The following CNTN4 variants were observed in gnomAD, a reference collection of about 807,000 sequenced individuals.
CNTN4 encodes contactin 4, also known as contactin-4.
A neutral mutation model predicts 122.5 loss-of-function variants in CNTN4; 77 were observed. That is an observed-to-expected ratio of 0.63 (90% CI 0.52 to 0.76). The LOEUF (loss-of-function observed/expected upper bound fraction) is 0.76, where lower values mean the gene tolerates loss of function less well. Ranked by LOEUF, CNTN4 falls within the 30% of genes least tolerant of loss-of-function variation. The pLI is 0.00. For synonymous variants in CNTN4, 512 were observed against 447.0 expected (o/e 1.15, Z -1.83); for missense variants, 1,256 against 1,259.1 (o/e 1.00, Z 0.04).
intron 3 of CNTN4, among the ~76,000 whole-genome samples, chr3:2,400,002 T>C (rs1313919261): frequency 6.6e-6 from 1 of 152,058 alleles, no homozygotes; most frequent in Non-Finnish European, 1.5e-5. Context: ...GTGTGCATCA[T>C]GTAATATAAT....
intron 12 of CNTN4, among the ~76,000 whole-genome samples, chr3:2,919,189 CAA>C (rs72363068): frequency 7.2e-6 from 1 of 137,954 alleles, no homozygotes; most frequent in Non-Finnish European, 1.6e-5. Context: ...ACTAAAAATA[CAA>C]AAAAAAAAAA....
chr3:2,169,469 C>T (rs113958796), intron 2 of CNTN4, among the ~76,000 whole-genome samples: 266 of 152,070 alleles, frequency 1.7e-3, no homozygotes, highest in South Asian at 4.8e-3. Context: ...TGCGGTGGCG[C>T]GATCTCGGCT....
At chr3:2,693,177 A>G (rs1331846326) in intron 4 of CNTN4, among the ~76,000 whole-genome samples, 1 of 152,212 alleles carries the variant, frequency 6.6e-6, no homozygotes, top group Admixed American at 6.6e-5. Context: ...TATTTGGTTT[A>G]CAGCTTTTTG....
rs577403688 is a variant in CNTN4 at position 2,488,406 on chromosome 3, G to A, written c.-88-83010G>A. ...CCTCCCACATCCCAAATATGTGTAT[G>A]TTTGGTAAATTGGTGTGTCTACATT... On this transcript the variant is annotated intron_variant, in intron 3 of 24. Coordinates refer to ENST00000418658, the MANE Select transcript of CNTN4 (RefSeq NM_175607.3). 2.3e-3 allele frequency among the ~76,000 whole-genome samples: 343 copies of A among 152,248 alleles called. 3 individuals are homozygous for A. The highest frequency in any genetic ancestry group is 3.1e-3 in the Non-Finnish European group (208 of 68,008).
At chr3:2,969,586 T>C (rs1348732357) in intron 13 of CNTN4, among the ~76,000 whole-genome samples, 1 of 152,076 alleles carries the variant, frequency 6.6e-6, no homozygotes, top group Non-Finnish European at 1.5e-5. Context: ...ACAGTAGATG[T>C]CCAATCCACA....
intron 3 of CNTN4, among the ~76,000 whole-genome samples, chr3:2,538,081 G>T (rs1363565742): frequency 6.6e-6 from 1 of 152,022 alleles, no homozygotes; most frequent in African/African-American, 2.4e-5. Flanking sequence ...AAGTATGGTG[G>T]ATCCCTAATG....
In CNTN4 at chr3:2,899,109, G is replaced by A. The variant is rs114798672; in HGVS notation, c.941-1576G>A. ...GGATTTGTAAAACTGTGTTTTGCTC[G>A]TTGAAAAACATAAAATTGCTTATAG... On this transcript the variant is annotated intron_variant, in intron 10 of 24. Transcript: ENST00000418658. 5.1e-3 allele frequency among the ~76,000 whole-genome samples: 772 copies of A among 152,252 alleles called. 3 individuals carry two copies. The highest frequency in any genetic ancestry group is 8.3e-3 in the Non-Finnish European group (563 of 68,022).
chr3:3,042,455 G>A (rs765141787), intron 21 of CNTN4, 33 bp downstream of exon 21: 2 of 1,355,922 alleles, frequency 1.5e-6, no homozygotes, highest in Non-Finnish European at 1.1e-6. Flanking sequence ...GGGTCTGAAA[G>A]AGAGTCTATG....
intron 3 of CNTN4, among the ~76,000 whole-genome samples, chr3:2,534,771 C>T (rs1260063376): frequency 2.1e-5 from 3 of 145,050 alleles, no homozygotes; most frequent in African/African-American, 7.6e-5. Flanking sequence ...TCGTTAAAAG[C>T]TGCCATTTTA....
At chr3:2,260,256 G>A (rs748178398) in intron 2 of CNTN4, among the ~76,000 whole-genome samples, 4 of 152,040 alleles carry the variant, frequency 2.6e-5, no homozygotes, top group Admixed American at 6.5e-5. Context: ...GGTGTCCTGC[G>A]CATTATAGGA....
At position 3,042,712 on chromosome 3, in the gene CNTN4, C is replaced by G. The variant is rs746944328; in HGVS notation, c.2512-265C>G. The G allele has an allele frequency of 3.7e-4, 213 of 581,690 alleles. 1 individual carries two copies. Among genetic ancestry groups the G allele is most frequent in the South Asian group, 5.2e-4 (25 of 48,498 alleles). The allele number at this position is 581,690 out of a possible 1,614,324, so 36.0% of individuals were successfully genotyped here. On this transcript the variant is annotated intron_variant, in intron 21 of 24. Coordinates refer to ENST00000418658, the MANE Select transcript of CNTN4 (RefSeq NM_175607.3). ...TGATATGCCCAGGATCACTTTGACT[C>G]AAAACAAACATGGGAAAAAAGAAAA...
intron 2 of CNTN4, among the ~76,000 whole-genome samples, chr3:2,269,356 T>A (rs892557487): frequency 6.6e-6 from 1 of 152,120 alleles, no homozygotes; most frequent in African/African-American, 2.4e-5. Flanking sequence ...TGGATGAATT[T>A]CCACAGTTTG....
chr3:2,684,544 A>G (rs942184440), intron 4 of CNTN4, among the ~76,000 whole-genome samples: 2 of 152,176 alleles, frequency 1.3e-5, no homozygotes, highest in African/African-American at 4.8e-5. Context: ...TTGAAGGTCT[A>G]ATACTGAGTT....
chr3:2,595,697 C>T (rs1156344129), intron 4 of CNTN4, among the ~76,000 whole-genome samples: 1 of 152,162 alleles, frequency 6.6e-6, no homozygotes, highest in Non-Finnish European at 1.5e-5. Flanking sequence ...GCCCCTCCTA[C>T]TGGGAGAAGG....
intron 4 of CNTN4, among the ~76,000 whole-genome samples, chr3:2,700,411 T>C (rs373474399): frequency 6.6e-6 from 1 of 152,180 alleles, no homozygotes; most frequent in African/African-American, 2.4e-5. Context: ...GAATGCATGA[T>C]TTGGTTTGTA....
At chr3:2,900,975 A>G (rs569672951) in intron 11 of CNTN4, among the ~76,000 whole-genome samples, 154 bp downstream of exon 11, 1 of 152,360 alleles carries the variant, frequency 6.6e-6, no homozygotes, top group Non-Finnish European at 1.5e-5. Context: ...TGCAATTGAT[A>G]AATAGAAAGT....
intron 2 of CNTN4, among the ~76,000 whole-genome samples, chr3:2,266,296 C>A (rs1465767711): frequency 6.6e-6 from 1 of 152,022 alleles, no homozygotes; most frequent in African/African-American, 2.4e-5. Context: ...TTATTTCATG[C>A]ACAAGTGTTG....
At chr3:2,921,113 C>T (rs528718801) in intron 12 of CNTN4, among the ~76,000 whole-genome samples, 1 of 152,340 alleles carries the variant, frequency 6.6e-6, no homozygotes, top group African/African-American at 2.4e-5. Context: ...GCCTAGCTCA[C>T]TGCAGCCTTG....
chr3:2,444,441 C>T (rs2048547984), intron 3 of CNTN4, among the ~76,000 whole-genome samples: 1 of 152,006 alleles, frequency 6.6e-6, no homozygotes, highest in Non-Finnish European at 1.5e-5. Flanking sequence ...ACTCTTCAGG[C>T]AGAAGGGGCA....
Sources: allele counts gnomAD v4.1 joint callset (sites outside exome capture counted in the v4.1 genomes callset), GRCh38; gene constraint gnomAD v4.1.1; transcripts MANE v1.5; gene names NCBI Gene and HGNC (gene_info 2026-07-23, HGNC 2026-07-21).